The following SIPA1L3 variants were observed in gnomAD, a reference collection of about 807,000 sequenced individuals.
SIPA1L3 encodes the protein signal-induced proliferation-associated 1-like protein 3.
A neutral mutation model predicts 150.1 loss-of-function variants in SIPA1L3; 59 were observed. That is an observed-to-expected ratio of 0.39 (90% CI 0.32 to 0.49). SIPA1L3 has a LOEUF of 0.49. SIPA1L3 is among the 20% of genes least tolerant of loss of function. The pLI, the probability that SIPA1L3 is intolerant of heterozygous loss-of-function variation, is 0.86. For synonymous variants in SIPA1L3, 1,070 were observed against 1,077.6 expected, an observed-to-expected ratio of 0.99 and a Z score of 0.14; for missense variants, 2,211 against 2,489.5, an observed-to-expected ratio of 0.89 and a Z score of 2.38.
intron 1 of SIPA1L3, among the ~76,000 whole-genome samples, chr19:37,941,719 A>G (rs933584758): frequency 1.3e-5 from 2 of 152,022 alleles, no homozygotes; most frequent in African/African-American, 4.8e-5. Context: ...GCATTGTCAG[A>G]CCTTATAGTC....
rs746943953 is a variant in SIPA1L3, at chr19:38,081,867, C to T, written c.302C>T (p.Pro101Leu). ...CTGAGAGAGCACAGCAACCCAAGCCCCTCCCAGGACACAGATGGCACAAAG... is the reference window on the plus strand; with the variant it reads ...CTGAGAGAGCACAGCAACCCAAGCCTCTCCCAGGACACAGATGGCACAAAG... ...EALREHSNPS[P>L]SQDTDGTKAT... Residue 101 changes from proline to leucine, a missense_variant, in exon 3 of 22, where the codon CCC (proline) becomes CTC (leucine). This residue lies in a region of SIPA1L3 where 130 missense variants were observed against 174.5 expected (regional missense o/e 0.74). Transcript: ENST00000222345. The T allele has an allele frequency of 4.3e-6, 7 of 1,614,016 alleles. No homozygotes were observed. The South Asian group carries it at 5.5e-5, about 13-fold the overall frequency.
intron 8 of SIPA1L3, among the ~76,000 whole-genome samples, chr19:38,112,773 C>G (rs1970795336): frequency 6.6e-6 from 1 of 152,084 alleles, no homozygotes; most frequent in South Asian, 2.1e-4. Context: ...TCCCTCTTTC[C>G]CCACAGGCAG....
chr19:37,928,025 G>A (rs1466344891), intron 1 of SIPA1L3, among the ~76,000 whole-genome samples: 1 of 152,174 alleles, frequency 6.6e-6, no homozygotes, highest in Non-Finnish European at 1.5e-5. Context: ...GATGAACGTA[G>A]GAGTGCAGGT....
At chr19:38,201,805 T>C in intron 19 of SIPA1L3, 57 bp from the exon 20 acceptor site, 1 of 1,544,688 alleles carries the variant, frequency 6.5e-7, no homozygotes, top group South Asian at 1.3e-5. Context: ...GGTCCGTCTG[T>C]TGCGGGAGAA....
intron 2 of SIPA1L3, among the ~76,000 whole-genome samples, chr19:38,038,023 ACT>A (rs1968829544): frequency 6.6e-6 from 1 of 152,104 alleles, no homozygotes; most frequent in East Asian, 1.9e-4. Flanking sequence ...GATTTTTCAA[ACT>A]CTGCATGTCC....
chr19:38,059,460 C>A (rs572150082), intron 2 of SIPA1L3, among the ~76,000 whole-genome samples: 9 of 152,014 alleles, frequency 5.9e-5, no homozygotes, highest in Non-Finnish European at 1.3e-4. Context: ...CCTGCCACCA[C>A]GCCTAGCTAA....
chr19:38,172,068 G>A (rs1301438862), intron 15 of SIPA1L3, among the ~76,000 whole-genome samples: 1 of 152,196 alleles, frequency 6.6e-6, no homozygotes, highest in Non-Finnish European at 1.5e-5. Context: ...TGCTGGCAGC[G>A]AGACAGGAGG....
rs769311508 is a variant in SIPA1L3, at chr19:38,193,631, A to G, written c.4691A>G (p.Glu1564Gly). Reference protein sequence around the residue: ...EPSFASPAGLEPGLPSDVLFT... With the variant: ...EPSFASPAGLGPGLPSDVLFT... ...AGCTTCGCCAGCCCCGCTGGCCTAG[A>G]GCCAGGGCTGCCCAGCGACGTGCTC... Residue 1564 changes from glutamate to glycine, a missense_variant, in exon 18 of 22, where the codon GAG becomes GGG. Physicochemically the swap from Glu to Gly is moderately conservative, Grantham distance 98. This residue lies in a region of SIPA1L3 where 806 missense variants were observed against 870.1 expected (regional missense o/e 0.93). Transcript: ENST00000222345. The G allele has an allele frequency of 1.3e-5, 20 of 1,579,258 alleles. No individual in the cohort carries two copies. Among genetic ancestry groups the G allele is most frequent in the South Asian group, 3.4e-5 (3 of 88,032 alleles).
intron 1 of SIPA1L3, among the ~76,000 whole-genome samples, chr19:37,982,496 A>G (rs1429394307): frequency 6.6e-6 from 1 of 152,186 alleles, no homozygotes; most frequent in Non-Finnish European, 1.5e-5. Context: ...AACTCATGTA[A>G]TCCTCGCAGT....
At chr19:38,057,708 G>T (rs75633066) in intron 2 of SIPA1L3, among the ~76,000 whole-genome samples, 1 of 151,526 alleles carries the variant, frequency 6.6e-6, no homozygotes, top group Non-Finnish European at 1.5e-5. Flanking sequence ...GTGCAGTGGC[G>T]CAATCTTGGC....
Position 37,970,770 on chromosome 19 carries a change from G to A in SIPA1L3, c.-378-58319G>A, listed in dbSNP as rs993614252. Among the ~76,000 whole-genome samples, 6 of 152,330 alleles carry A rather than the reference G, an allele frequency of 3.9e-5. No individual in the cohort carries two copies. In the South Asian group the frequency reaches 6.2e-4, roughly 16 times the overall value. Reference sequence around the variant, plus strand: ...GCTAGAGAGTCACAACTACCTTCACGTTCTAAAGATGTCGGGTATTAGTGA... The same window carrying A: ...GCTAGAGAGTCACAACTACCTTCACATTCTAAAGATGTCGGGTATTAGTGA... On this transcript the variant is annotated intron_variant, in intron 1 of 21. Coordinates refer to ENST00000222345, the MANE Select transcript of SIPA1L3 (RefSeq NM_015073.3).
intron 1 of SIPA1L3, among the ~76,000 whole-genome samples, chr19:37,999,888 G>C (rs1413856144): frequency 6.6e-6 from 1 of 152,188 alleles, no homozygotes; most frequent in South Asian, 2.1e-4. Context: ...GTCTTGAACA[G>C]TGTGGACCAG....
At chr19:37,937,974 G>A (rs1293364115) in intron 1 of SIPA1L3, among the ~76,000 whole-genome samples, 1 of 151,904 alleles carries the variant, frequency 6.6e-6, no homozygotes, top group Non-Finnish European at 1.5e-5. Context: ...TTGAACCCAG[G>A]AGGCGGAGGT....
chr19:38,198,944 C>T (rs1973027437), intron 19 of SIPA1L3, among the ~76,000 whole-genome samples: 2 of 152,214 alleles, frequency 1.3e-5, no homozygotes, highest in Non-Finnish European at 2.9e-5. Context: ...CCAGCCTGGG[C>T]GACAGTGCAA....
chr19:38,194,267 C>G (rs1006899853), intron 18 of SIPA1L3, among the ~76,000 whole-genome samples: 4 of 152,132 alleles, frequency 2.6e-5, no homozygotes, highest in Non-Finnish European at 5.9e-5. Flanking sequence ...GAGCACTCCC[C>G]GTAAACAGGT....
At chr19:38,133,016 T>C (rs1971348982) in intron 10 of SIPA1L3, among the ~76,000 whole-genome samples, 1 of 152,222 alleles carries the variant, frequency 6.6e-6, no homozygotes, top group African/African-American at 2.4e-5. Flanking sequence ...TTCCTGGCTT[T>C]AGCTGGCGGC....
chr19:38,063,596 C>T (rs909584557), intron 2 of SIPA1L3, among the ~76,000 whole-genome samples: 8 of 152,224 alleles, frequency 5.3e-5, no homozygotes, highest in East Asian at 3.8e-4. Flanking sequence ...GGTCAGGCTC[C>T]GTGCTGGCAA....
chr19:37,983,900 C>T (rs1355720424), intron 1 of SIPA1L3, among the ~76,000 whole-genome samples: 5 of 128,774 alleles, frequency 3.9e-5, no homozygotes, highest in Non-Finnish European at 8.1e-5. Flanking sequence ...AGCGAGACCC[C>T]ATCTCAAAAA....
chr19:38,076,845 A>G (rs1330893934), intron 2 of SIPA1L3, among the ~76,000 whole-genome samples: 1 of 152,246 alleles, frequency 6.6e-6, no homozygotes, highest in East Asian at 1.9e-4. Context: ...CCTGTATGCC[A>G]GCAGGCACAA....
Sources: allele counts gnomAD v4.1 joint callset (sites outside exome capture counted in the v4.1 genomes callset), GRCh38; gene constraint gnomAD v4.1.1; regional missense constraint gnomAD v4.1.1; transcripts MANE v1.5; gene names NCBI Gene and HGNC (gene_info 2026-07-23, HGNC 2026-07-21).